Variants in COQ8A observed in about 807,000 individuals in gnomAD.
The protein encoded by COQ8A is atypical kinase COQ8A, mitochondrial.
COQ8A carries 51 observed loss-of-function variants against 65.0 expected under a neutral mutation model. The observed-to-expected ratio is 0.78, with a 90% confidence interval of 0.63 to 0.99. The LOEUF is 0.99. Among genes scored for constraint, COQ8A ranks in the 50% least tolerant of loss-of-function variants. The pLI, the probability that COQ8A is intolerant of heterozygous loss-of-function variation, is 0.00. For synonymous variants in COQ8A, 371 were observed against 353.2 expected (o/e 1.05, Z -0.57); for missense variants, 940 against 875.0 (o/e 1.07, Z -0.94).
At chr1:226,978,624 ACTCCACACACCCGCCCACCTCCTTACC>A (rs1659462121) in intron 5 of COQ8A, among the ~76,000 whole-genome samples, 3 of 44,152 alleles carry the variant, frequency 6.8e-5, no homozygotes, top group Admixed American at 2.1e-4. Context: ...CCCACCTTAC[ACTCCACACACCCGCCCACCTCCTTACC>A]CTCCACACAC....
At chr1:226,964,895 G>T in intron 2 of COQ8A, 105 bp from the exon 3 acceptor site, 4 of 1,334,938 alleles carry the variant, frequency 3.0e-6, no homozygotes, top group Admixed American at 1.8e-5. Flanking sequence ...GGAGGTGGGA[G>T]GGGGCGGGAT....
intron 5 of COQ8A, among the ~76,000 whole-genome samples, chr1:226,981,102 C>T (rs765098137): frequency 2.2e-4 from 33 of 152,328 alleles, no homozygotes; most frequent in Non-Finnish European, 2.1e-4. Flanking sequence ...GGAGAAGCTC[C>T]GAATGTCACA....
chr1:226,981,170 T>G (rs1442869693), intron 5 of COQ8A, among the ~76,000 whole-genome samples: 1 of 152,196 alleles, frequency 6.6e-6, no homozygotes, highest in Admixed American at 6.5e-5. Context: ...TGGAAAGACT[T>G]GGAGCCCCAG....
chr1:226,984,402 C>T, intron 11 of COQ8A, 146 bp from the exon 12 acceptor site: 1 of 1,279,248 alleles, frequency 7.8e-7, no homozygotes, highest in Non-Finnish European at 1.1e-6. Context: ...GAGCTGCTGC[C>T]TTCCCTGGCC....
intron 1 of COQ8A, among the ~76,000 whole-genome samples, chr1:226,959,568 CAT>C (rs1209859429): frequency 6.6e-6 from 1 of 152,216 alleles, no homozygotes; most frequent in Non-Finnish European, 1.5e-5. Flanking sequence ...AATGAGTCTA[CAT>C]GTTAGTCTGC....
chr1:226,971,097 C>T (rs1277871431), intron 4 of COQ8A, among the ~76,000 whole-genome samples: 2 of 152,062 alleles, frequency 1.3e-5, no homozygotes, highest in Admixed American at 6.5e-5. Flanking sequence ...CATGCCACCA[C>T]ACCCAGCTAA....
chr1:226,978,944 ACACACCTTACCCTCCACACACCCG>A (rs765686020), intron 5 of COQ8A, among the ~76,000 whole-genome samples: 43 of 142,704 alleles, frequency 3.0e-4, no homozygotes, highest in African/African-American at 3.2e-4. Flanking sequence ...CCACACACCC[ACACACCTTACCCTCCACACACCCG>A]CACACCTCCT....
At chr1:226,960,315 ACTTGGTGGTGGTATCAG>A (rs1658105879) in intron 1 of COQ8A, among the ~76,000 whole-genome samples, 14 of 15,530 alleles carry the variant, frequency 9.0e-4, no homozygotes, top group South Asian at 3.6e-3. Flanking sequence ...TGGTGGCGGT[ACTTGGTGGTGGTATCAG>A]TGGTACTTGG....
intron 4 of COQ8A, among the ~76,000 whole-genome samples, chr1:226,975,602 A>G (rs1558198046): frequency 6.6e-6 from 1 of 152,224 alleles, no homozygotes; most frequent in Non-Finnish European, 1.5e-5. Context: ...GCTGCTAGAA[A>G]AGTAACAATT....
chr1:226,970,948 T>C (rs61833992), intron 4 of COQ8A, among the ~76,000 whole-genome samples: 1 of 152,152 alleles, frequency 6.6e-6, no homozygotes, highest in Non-Finnish European at 1.5e-5. Flanking sequence ...TTTTTATTGA[T>C]TTATTTTTTG....
At chr1:226,960,336 T>C (rs1289430682) in intron 1 of COQ8A, among the ~76,000 whole-genome samples, 17 of 140,246 alleles carry the variant, frequency 1.2e-4, no homozygotes, top group South Asian at 2.3e-4. Flanking sequence ...GTATCAGTGG[T>C]ACTTGGTGGT....
intron 6 of COQ8A, 122 bp from the exon 7 acceptor site, chr1:226,982,556 C>G (rs1659763994): frequency 2.8e-6 from 3 of 1,083,596 alleles, no homozygotes; most frequent in Non-Finnish European, 4.2e-6. Context: ...TCTTTCTGGC[C>G]TCACCCGTGC....
Position 226,985,300 on chromosome 1 carries a change from A to G in COQ8A, c.1619A>G (p.Lys540Arg). Residue 540 changes from lysine to arginine, a missense_variant, in exon 14 of 15, where the codon AAA becomes AGA. Physicochemically the swap from Lys to Arg is conservative, Grantham distance 26. Transcript: ENST00000366777. Reference sequence around the variant, plus strand: ...AGGGACAGGGAGACTGTGCGGGCGAAATCCATAGAGATGAAGTTCCTCACC... The same window carrying G: ...AGGGACAGGGAGACTGTGCGGGCGAGATCCATAGAGATGAAGTTCCTCACC... ...ADRDRETVRAKSIEMKFLTGY... is the reference protein window; with the variant it reads ...ADRDRETVRARSIEMKFLTGY... 1 of 1,613,778 alleles carries G rather than the reference A, an allele frequency of 6.2e-7. No individual in the cohort carries two copies.
chr1:226,965,781 T>A, intron 4 of COQ8A, 44 bp downstream of exon 4: 5 of 1,578,982 alleles, frequency 3.2e-6, no homozygotes, highest in Non-Finnish European at 4.3e-6. Flanking sequence ...CTGCCCTGCC[T>A]GGGCACCACG....
chr1:226,957,532 C>T (rs1333653014), intron 1 of COQ8A, among the ~76,000 whole-genome samples: 1 of 152,018 alleles, frequency 6.6e-6, no homozygotes, highest in Non-Finnish European at 1.5e-5. Flanking sequence ...AGATGACGTC[C>T]CTGGCCTGCT....
chr1:226,952,273 T>G (rs1033617310), intron 1 of COQ8A, among the ~76,000 whole-genome samples: 1 of 152,232 alleles, frequency 6.6e-6, no homozygotes, highest in Non-Finnish European at 1.5e-5. Flanking sequence ...AGGCAATGTT[T>G]ATGCCATTCC....
At position 226,983,560 on chromosome 1, in the gene COQ8A, C is replaced by T. The variant is rs139570869; in HGVS notation, c.1089C>T (p.Gly363=). 171 of 1,613,826 alleles carry T rather than the reference C, an allele frequency of 1.1e-4. 1 individual carries two copies. The highest frequency in any genetic ancestry group is 9.6e-4 in the African/African-American group (72 of 75,048). The change falls in exon 9 of 15, where the codon GGC becomes GGT. Residue 363 remains glycine (G), a synonymous_variant. Coordinates refer to ENST00000366777, the MANE Select transcript of COQ8A (RefSeq NM_020247.5). Reference sequence around the variant, plus strand: ...CACCCATACCCCCACAGTACCCTGGCGTGGCCCAGAGCATCAACAGTGATG... The same window carrying T: ...CACCCATACCCCCACAGTACCCTGGTGTGGCCCAGAGCATCAACAGTGATG... The part of the protein sequence containing the change: ...REVAMKIQYP[G]VAQSINSDVN...
chr1:226,953,563 A>G (rs1657517493), intron 1 of COQ8A, among the ~76,000 whole-genome samples: 1 of 152,218 alleles, frequency 6.6e-6, no homozygotes, highest in Non-Finnish European at 1.5e-5. Context: ...GCCCTGGGGT[A>G]GACTCTTGAG....
intron 14 of COQ8A, among the ~76,000 whole-genome samples, chr1:226,985,847 C>A (rs1451919240): frequency 6.6e-6 from 1 of 152,212 alleles, no homozygotes; most frequent in Non-Finnish European, 1.5e-5. Context: ...ATAGGAGTGT[C>A]ATTTGAGGCT....
Sources: allele counts gnomAD v4.1 joint callset (sites outside exome capture counted in the v4.1 genomes callset), GRCh38; gene constraint gnomAD v4.1.1; transcripts MANE v1.5; gene names NCBI Gene and HGNC (gene_info 2026-07-23, HGNC 2026-07-21).